The following PIAS2 variants were observed in gnomAD, a reference collection of about 807,000 sequenced individuals.
PIAS2 encodes the protein protein inhibitor of activated STAT 2, also known as E3 SUMO-protein ligase PIAS2.
A neutral mutation model predicts 69.7 loss-of-function variants in PIAS2; 19 were observed. That is an observed-to-expected ratio of 0.27 (90% CI 0.19 to 0.40). The LOEUF is 0.40. Ranked by LOEUF, PIAS2 falls within the 10% of genes least tolerant of loss-of-function variation. PIAS2 has a pLI of 1.00. For missense variants in PIAS2, 624 were observed against 757.0 expected (o/e 0.82, Z 2.06); for synonymous variants, 261 against 263.2 (o/e 0.99, Z 0.08).
intron 12 of PIAS2, chr18:46,816,471 A>ATT (rs1231792242): frequency 5.4e-5 from 43 of 802,052 alleles, no homozygotes; most frequent in African/African-American, 2.1e-4. Flanking sequence ...GTTGCTACAG[A>ATT]TTTTTTTTTT....
At chr18:46,815,652 A>C in intron 12 of PIAS2, 1 of 1,044,874 alleles carries the variant, frequency 9.6e-7, no homozygotes, top group South Asian at 4.1e-5. Context: ...CAGAATGAGA[A>C]GCAATAAAAA....
At chr18:46,895,005 G>A (rs547459141) in intron 1 of PIAS2, among the ~76,000 whole-genome samples, 9 of 151,622 alleles carry the variant, frequency 5.9e-5, no homozygotes, top group East Asian at 3.9e-4. Flanking sequence ...ACCGGGAGGC[G>A]GAGGATGCAG....
chr18:46,847,164 A>T (rs1282973593), intron 5 of PIAS2, among the ~76,000 whole-genome samples: 2 of 152,194 alleles, frequency 1.3e-5, no homozygotes, highest in Non-Finnish European at 2.9e-5. Flanking sequence ...ATAAAGTCAC[A>T]ACTTTTTATA....
chr18:46,881,631 A>G (rs2052278930), intron 2 of PIAS2, among the ~76,000 whole-genome samples: 1 of 152,176 alleles, frequency 6.6e-6, no homozygotes, highest in Admixed American at 6.5e-5. Context: ...GCCTTGACTG[A>G]ATTCTCCATT....
intron 2 of PIAS2, 53 bp from the exon 3 acceptor site, chr18:46,864,301 A>C: frequency 8.4e-7 from 1 of 1,193,102 alleles, no homozygotes; most frequent in Non-Finnish European, 1.2e-6. Flanking sequence ...ATCCAACACT[A>C]CAACCACCTG....
At chr18:46,822,365 A>G (rs1406190621) in intron 11 of PIAS2, among the ~76,000 whole-genome samples, 2 of 152,208 alleles carry the variant, frequency 1.3e-5, no homozygotes, top group African/African-American at 4.8e-5. Flanking sequence ...AGCTTATGAC[A>G]TATAATATGC....
rs567585949 is a variant in PIAS2 at position 46,845,379 on chromosome 18, C to T, written c.862-540G>A. The stretch of plus-strand genomic sequence containing the variant: ...TACTACATGGCCTTTGAGTAAATCA[C>T]GCAAATGAACCAGGTATCAGCTTTC... On this transcript the variant is annotated intron_variant, in intron 6 of 13. Coordinates refer to ENST00000585916, the MANE Select transcript of PIAS2 (RefSeq NM_004671.5). Among the ~76,000 whole-genome samples, 17 of 152,224 alleles carry T rather than the reference C, an allele frequency of 1.1e-4. No individual in the cohort carries two copies. In the East Asian group the frequency reaches 1.9e-3, roughly 17 times the overall value.
chr18:46,914,587 A>C (rs2057613738), intron 1 of PIAS2, among the ~76,000 whole-genome samples: 1 of 113,478 alleles, frequency 8.8e-6, no homozygotes. Flanking sequence ...CCCGACACAC[A>C]AGTCTGAAAA....
chr18:46,881,222 C>T (rs984772645), intron 2 of PIAS2, among the ~76,000 whole-genome samples: 8 of 152,152 alleles, frequency 5.3e-5, no homozygotes, highest in Non-Finnish European at 7.4e-5. Context: ...TATCTCTGAA[C>T]GACCCCAGGC....
intron 2 of PIAS2, among the ~76,000 whole-genome samples, chr18:46,882,403 CCA>C (rs1429053653): frequency 2.6e-5 from 4 of 152,088 alleles, no homozygotes; most frequent in South Asian, 2.1e-4. Flanking sequence ...AACAGTACCT[CCA>C]CACACACAAA....
At chr18:46,815,641 A>G in intron 12 of PIAS2, 1 of 1,062,306 alleles carries the variant, frequency 9.4e-7, no homozygotes, top group Non-Finnish European at 1.1e-6. Flanking sequence ...TTGCCGCTTA[A>G]CAGAATGAGA....
intron 2 of PIAS2, among the ~76,000 whole-genome samples, chr18:46,875,113 AT>A (rs1202601302): frequency 6.6e-6 from 1 of 152,120 alleles, no homozygotes; most frequent in Non-Finnish European, 1.5e-5. Context: ...CAAACTAACC[AT>A]CCCTTAACCC....
intron 2 of PIAS2, among the ~76,000 whole-genome samples, chr18:46,885,576 G>A (rs1300252208): frequency 6.6e-6 from 1 of 151,444 alleles, no homozygotes; most frequent in African/African-American, 2.4e-5. Context: ...TTGACATACA[G>A]CTACTGGTTT....
At chr18:46,905,530 A>G (rs1380781892) in intron 1 of PIAS2, among the ~76,000 whole-genome samples, 3 of 152,130 alleles carry the variant, frequency 2.0e-5, no homozygotes, top group African/African-American at 7.2e-5. Context: ...AGCATAAACA[A>G]TATCAAAAAC....
intron 1 of PIAS2, among the ~76,000 whole-genome samples, chr18:46,912,446 AC>A (rs2057372699): frequency 6.6e-6 from 1 of 152,216 alleles, no homozygotes; most frequent in Non-Finnish European, 1.5e-5. Context: ...GATGTAACCA[AC>A]CTTTTTTCCT....
upstream of PIAS2, chr18:46,919,989 C>G: frequency 9.6e-7 from 1 of 1,044,304 alleles, no homozygotes; most frequent in South Asian, 1.3e-5. Flanking sequence ...GAGGAGCTTA[C>G]ACCCATAAAG....
chr18:46,851,893 C>A (rs1379670134), intron 5 of PIAS2, among the ~76,000 whole-genome samples: 1 of 152,170 alleles, frequency 6.6e-6, no homozygotes, highest in Non-Finnish European at 1.5e-5. Context: ...CAAATGCCAC[C>A]ATATTCAGAG....
At chr18:46,828,206 A>G in intron 10 of PIAS2, 76 bp from the exon 11 acceptor site, 2 of 1,293,752 alleles carry the variant, frequency 1.5e-6, no homozygotes. Flanking sequence ...AGTCTAGTAT[A>G]TTCAGTATAG....
intron 2 of PIAS2, among the ~76,000 whole-genome samples, chr18:46,881,167 T>C (rs997750372): frequency 6.6e-6 from 1 of 152,096 alleles, no homozygotes; most frequent in Non-Finnish European, 1.5e-5. Flanking sequence ...GTCCACCTTA[T>C]TACTTTCAAC....
Sources: allele counts gnomAD v4.1 joint callset (sites outside exome capture counted in the v4.1 genomes callset), GRCh38; gene constraint gnomAD v4.1.1; transcripts MANE v1.5; gene names NCBI Gene and HGNC (gene_info 2026-07-23, HGNC 2026-07-21).